CHRNA7: variants seen among roughly 807,000 people sequenced by gnomAD.
The protein encoded by CHRNA7 is cholinergic receptor nicotinic alpha 7 subunit, also known as neuronal acetylcholine receptor subunit alpha-7.
CHRNA7 carries 17 observed loss-of-function variants against 48.0 expected under a neutral mutation model. That is an observed-to-expected ratio of 0.35 (90% CI 0.24 to 0.53). The LOEUF is 0.53. CHRNA7 is among the 20% of genes least tolerant of loss of function. The pLI is 0.92. For missense variants in CHRNA7, 155 were observed against 577.7 expected, an observed-to-expected ratio of 0.27 and a Z score of 7.50; for synonymous variants, 75 against 242.3, an observed-to-expected ratio of 0.31 and a Z score of 6.41.
chr15:32,086,986 A>G (rs1404821265), intron 2 of CHRNA7, among the ~76,000 whole-genome samples: 3 of 152,114 alleles, frequency 2.0e-5, no homozygotes, highest in Non-Finnish European at 2.9e-5. Flanking sequence ...CCCTATTTAT[A>G]TACTGTACTC....
chr15:32,119,415 G>A (rs997486030), intron 4 of CHRNA7, among the ~76,000 whole-genome samples: 1 of 152,188 alleles, frequency 6.6e-6, no homozygotes, highest in African/African-American at 2.4e-5. Context: ...CCCTGAGGCG[G>A]GAACATGCTA....
At chr15:32,102,670 G>A (rs529233760) in intron 3 of CHRNA7, 1 of 152,246 alleles carries the variant, frequency 6.6e-6, no homozygotes, top group East Asian at 1.9e-4. Flanking sequence ...AGATGAGTTT[G>A]TTTTAAATTA....
At chr15:32,095,241 C>A (rs2050448409) in intron 2 of CHRNA7, among the ~76,000 whole-genome samples, 1 of 152,198 alleles carries the variant, frequency 6.6e-6, no homozygotes, top group Admixed American at 6.5e-5. Flanking sequence ...GTACGAGGAC[C>A]AGGATGGTCC....
rs114565776 is a variant in CHRNA7, at chr15:32,093,509, C to T, written c.196-7794C>T. On this transcript the variant is annotated intron_variant, in intron 2 of 9. Coordinates refer to ENST00000306901, the MANE Select transcript of CHRNA7 (RefSeq NM_000746.6). ...CCTCCCCCGGGCAAGCTCTCTTATT[C>T]CTGCACACACAGGCAGCTGAACACC... Among the ~76,000 whole-genome samples, 875 of 152,260 alleles carry T rather than the reference C, an allele frequency of 5.7e-3. 6 individuals are homozygous for T. Among genetic ancestry groups the T allele is most frequent in the African/African-American group, 0.02 (842 of 41,550 alleles).
At chr15:32,054,153 T>G (rs2049742842) in intron 2 of CHRNA7, among the ~76,000 whole-genome samples, 1 of 152,304 alleles carries the variant, frequency 6.6e-6, no homozygotes, top group South Asian at 2.1e-4. Flanking sequence ...ATTTCAGGAT[T>G]GTTAAATGAG....
intron 4 of CHRNA7, among the ~76,000 whole-genome samples, chr15:32,144,091 G>T (rs1355350896): frequency 6.6e-6 from 1 of 152,168 alleles, no homozygotes; most frequent in Non-Finnish European, 1.5e-5. Context: ...GCTTCCTTCA[G>T]GAGCTCTTGT....
intron 4 of CHRNA7, among the ~76,000 whole-genome samples, chr15:32,119,179 G>A (rs1418629649): frequency 6.6e-6 from 1 of 152,122 alleles, no homozygotes. Context: ...TCTAGTCCAC[G>A]GAGAAGCAAA....
intron 2 of CHRNA7, among the ~76,000 whole-genome samples, chr15:32,062,446 A>G (rs1281627757): frequency 6.6e-6 from 1 of 152,126 alleles, no homozygotes; most frequent in African/African-American, 2.4e-5. Context: ...TGAATTTTTC[A>G]TGTAATGATC....
chr15:32,076,755 T>C (rs564493879), intron 2 of CHRNA7, among the ~76,000 whole-genome samples: 4 of 152,280 alleles, frequency 2.6e-5, no homozygotes, highest in African/African-American at 9.6e-5. Flanking sequence ...ATTGTTACGA[T>C]TGACAAACCT....
At chr15:32,111,496 A>G (rs968399193) in intron 3 of CHRNA7, 4 of 290,550 alleles carry the variant, frequency 1.4e-5, no homozygotes, top group Admixed American at 4.8e-5. Flanking sequence ...GAAGTAACCC[A>G]TCTACTGCAG....
At chr15:32,138,419 G>A (rs890600242) in intron 4 of CHRNA7, among the ~76,000 whole-genome samples, 3 of 151,984 alleles carry the variant, frequency 2.0e-5, no homozygotes, top group Non-Finnish European at 4.4e-5. Context: ...CTGTGTGGAA[G>A]GTACAAGTTC....
At chr15:32,052,723 A>G (rs2049713333) in intron 2 of CHRNA7, among the ~76,000 whole-genome samples, 2 of 152,198 alleles carry the variant, frequency 1.3e-5, no homozygotes, top group Admixed American at 6.5e-5. Context: ...GCGAGACTCC[A>G]TCTCAAAATA....
chr15:32,115,149 G>C (rs1371823399), intron 4 of CHRNA7, among the ~76,000 whole-genome samples: 2 of 152,302 alleles, frequency 1.3e-5, no homozygotes, highest in African/African-American at 4.8e-5. Flanking sequence ...GCCCAGCTTG[G>C]AGTCAAGAAA....
At chr15:32,042,090 G>A (rs1486172056) in intron 2 of CHRNA7, among the ~76,000 whole-genome samples, 1 of 150,862 alleles carries the variant, frequency 6.6e-6, no homozygotes, top group African/African-American at 2.4e-5. Flanking sequence ...TGGTGGCTGT[G>A]ATGTACCAGG....
chr15:32,070,124 A>T (rs2050030558), intron 2 of CHRNA7, among the ~76,000 whole-genome samples: 1 of 152,228 alleles, frequency 6.6e-6, no homozygotes, highest in Admixed American at 6.5e-5. Context: ...TTAAGTATAC[A>T]GGTTGATAGG....
chr15:32,145,559 G>A (rs530526984), intron 4 of CHRNA7, among the ~76,000 whole-genome samples: 1 of 152,312 alleles, frequency 6.6e-6, no homozygotes, highest in East Asian at 1.9e-4. Flanking sequence ...GCCTTGCTGA[G>A]CTGTGGTGGG....
chr15:32,043,883 G>C (rs1595377766), intron 2 of CHRNA7, among the ~76,000 whole-genome samples: 1 of 151,974 alleles, frequency 6.6e-6, no homozygotes, highest in Admixed American at 6.6e-5. Flanking sequence ...CTCCATGTTT[G>C]TTTCAAAACT....
At chr15:32,152,213 T>TC (rs1555389134) in intron 4 of CHRNA7, among the ~76,000 whole-genome samples, 2 of 151,766 alleles carry the variant, frequency 1.3e-5, no homozygotes, top group African/African-American at 4.8e-5. Flanking sequence ...AGAGGCTAAG[T>TC]GGGGGTGGAT....
chr15:32,052,618 A>G (rs899645935), intron 2 of CHRNA7, among the ~76,000 whole-genome samples: 6 of 152,084 alleles, frequency 3.9e-5, no homozygotes, highest in African/African-American at 1.4e-4. Flanking sequence ...AGTCCCAGCT[A>G]CTCGGGAGGC....
Sources: allele counts gnomAD v4.1 joint callset (sites outside exome capture counted in the v4.1 genomes callset), GRCh38; gene constraint gnomAD v4.1.1; transcripts MANE v1.5; gene names NCBI Gene and HGNC (gene_info 2026-07-23, HGNC 2026-07-21).